Variants in HSPBAP1 observed in about 807,000 individuals in gnomAD.
HSPBAP1 encodes the protein HSPB1-associated protein 1.
Under a neutral mutation model 45.2 loss-of-function variants are expected in HSPBAP1, and 27 were observed. The ratio of observed to expected loss-of-function variants is 0.60; its 90% CI spans 0.44 to 0.82. The LOEUF (loss-of-function observed/expected upper bound fraction) is 0.82, where lower values mean the gene tolerates loss of function less well. Among genes scored for constraint, HSPBAP1 ranks in the 40% least tolerant of loss-of-function variants. The probability of loss-of-function intolerance (pLI) is 0.00; values close to 1 mark genes in which losing one functional copy is unlikely to be tolerated. For missense variants in HSPBAP1, 510 were observed against 590.9 expected (o/e 0.86, Z 1.42); for synonymous variants, 204 against 202.7 (o/e 1.01, Z -0.06).
intron 6 of HSPBAP1, among the ~76,000 whole-genome samples, chr3:122,746,726 C>A (rs1933874161): frequency 6.6e-6 from 1 of 151,976 alleles, no homozygotes; most frequent in Non-Finnish European, 1.5e-5. Context: ...TGTACTGCTG[C>A]CATCTCGGCT....
chr3:122,753,011 G>A lies in HSPBAP1; in HGVS notation c.742-337C>T, dbSNP rs114103609. On this transcript the variant is annotated intron_variant, in intron 5 of 7. Coordinates refer to ENST00000306103, the MANE Select transcript of HSPBAP1 (RefSeq NM_024610.6). ...CACAAAATAGTTGCGTGCATTCTGA[G>A]AAAGGGCATAGGTAAAACACATAGG... 896 of 1,024,906 alleles carry A rather than the reference G, an allele frequency of 8.7e-4. 5 individuals are homozygous for A. In the African/African-American group the frequency reaches 0.014, roughly 16 times the overall value. 63.5% of individuals were successfully genotyped at this position (1,024,906 alleles called of 1,614,324 possible).
chr3:122,758,218 G>C (rs777971210), intron 4 of HSPBAP1, among the ~76,000 whole-genome samples: 1 of 152,164 alleles, frequency 6.6e-6, no homozygotes, highest in African/African-American at 2.4e-5. Context: ...AAAGACTGGG[G>C]CATCATTAAT....
At chr3:122,765,486 CAGG>C (rs1462154112) in intron 3 of HSPBAP1, among the ~76,000 whole-genome samples, 1 of 149,578 alleles carries the variant, frequency 6.7e-6, no homozygotes, top group Non-Finnish European at 1.5e-5. Flanking sequence ...GAGGCTGAGG[CAGG>C]AGAATTGCTT....
chr3:122,767,329 G>C (rs899707822), intron 3 of HSPBAP1, among the ~76,000 whole-genome samples: 2 of 152,098 alleles, frequency 1.3e-5, no homozygotes, highest in South Asian at 2.1e-4. Flanking sequence ...ACTTAAAGTC[G>C]GGAATTTGAG....
chr3:122,748,216 T>G (rs1933987709), intron 6 of HSPBAP1, among the ~76,000 whole-genome samples: 1 of 152,090 alleles, frequency 6.6e-6, no homozygotes, highest in Non-Finnish European at 1.5e-5. Flanking sequence ...CACTCCCTAA[T>G]CTCAAGTACC....
intron 1 of HSPBAP1, among the ~76,000 whole-genome samples, chr3:122,788,970 T>C (rs543157477): frequency 1.3e-5 from 2 of 152,350 alleles, no homozygotes; most frequent in Non-Finnish European, 2.9e-5. Flanking sequence ...ACAAATGGTA[T>C]TGTTTTTCTG....
intron 1 of HSPBAP1, among the ~76,000 whole-genome samples, chr3:122,780,775 G>A (rs1269944446): frequency 1.3e-5 from 2 of 149,996 alleles, no homozygotes; most frequent in African/African-American, 2.5e-5. Flanking sequence ...GCTGCCGGGC[G>A]GAGGGGCTCC....
rs577666609 is a variant in HSPBAP1 at position 122,747,665 on chromosome 3, G to A, written c.825+4926C>T. On this transcript the variant is annotated intron_variant, in intron 6 of 7. Coordinates refer to ENST00000306103, the MANE Select transcript of HSPBAP1 (RefSeq NM_024610.6). ...AGCCCCCCGCCCGGCCAGCCGCCCC[G>A]TCCGGGAGGTGAGGGGCGCCTCTGC... Among the ~76,000 whole-genome samples, 334 of 147,386 alleles carry A rather than the reference G, an allele frequency of 2.3e-3. 3 individuals are homozygous for A. The highest frequency in any genetic ancestry group is 7.6e-3 in the African/African-American group (305 of 40,106).
chr3:122,749,572 A>G (rs1460618699), intron 6 of HSPBAP1, among the ~76,000 whole-genome samples: 1 of 152,184 alleles, frequency 6.6e-6, no homozygotes, highest in African/African-American at 2.4e-5. Flanking sequence ...TATGGTTAGT[A>G]GTAATATTAC....
rs777704726 is a variant in HSPBAP1 at position 122,759,235 on chromosome 3, C to T, written c.558G>A (p.Gln186=). The T allele has an allele frequency of 1.2e-6, 2 of 1,610,990 alleles. No homozygotes were observed. Among genetic ancestry groups the T allele is most frequent in the Admixed American group, 3.3e-5 (2 of 59,756 alleles). Reference sequence around the variant, plus strand: ...CACACACACATTACCTTCCTTGTACCTGGAATACCAAGTTACAACCATAGG... The same window carrying T: ...CACACACACATTACCTTCCTTGTACTTGGAATACCAAGTTACAACCATAGG... ...LDSYGCNLVF[Q]VQGRKRWHLF... Residue 186 remains glutamine (Q), a synonymous_variant, in exon 4 of 8, where the codon CAG becomes CAA. Transcript: ENST00000306103.
intron 2 of HSPBAP1, among the ~76,000 whole-genome samples, chr3:122,777,013 A>G (rs1014128016): frequency 6.6e-6 from 1 of 152,200 alleles, no homozygotes; most frequent in Non-Finnish European, 1.5e-5. Flanking sequence ...CATCAGAAAA[A>G]TGATTATAGA....
intron 1 of HSPBAP1, among the ~76,000 whole-genome samples, chr3:122,780,804 G>A (rs1247021143): frequency 2.3e-3 from 337 of 146,138 alleles, no homozygotes; most frequent in African/African-American, 7.2e-3. Flanking sequence ...CAGACGGGGC[G>A]GTTGCCAGGC....
At chr3:122,771,025 T>G (rs1934975542) in intron 2 of HSPBAP1, among the ~76,000 whole-genome samples, 1 of 152,254 alleles carries the variant, frequency 6.6e-6, no homozygotes, top group Non-Finnish European at 1.5e-5. Flanking sequence ...CAAGCCTGAT[T>G]TGCAGCCCCC....
At chr3:122,772,743 T>A (rs934960682) in intron 2 of HSPBAP1, among the ~76,000 whole-genome samples, 1 of 152,080 alleles carries the variant, frequency 6.6e-6, no homozygotes, top group Non-Finnish European at 1.5e-5. Context: ...AAAATGTTAA[T>A]AAAGCATTAT....
At chr3:122,779,931 TC>T (rs1395897172) in intron 1 of HSPBAP1, among the ~76,000 whole-genome samples, 1 of 151,936 alleles carries the variant, frequency 6.6e-6, no homozygotes, top group Non-Finnish European at 1.5e-5. Context: ...ACGGCAACCA[TC>T]CGATTTCTCA....
intron 6 of HSPBAP1, among the ~76,000 whole-genome samples, chr3:122,741,952 T>C (rs1398034148): frequency 6.6e-6 from 1 of 152,002 alleles, no homozygotes; most frequent in Non-Finnish European, 1.5e-5. Flanking sequence ...TTGGAAAACA[T>C]GGGTGGCATT....
intron 5 of HSPBAP1, chr3:122,754,846 T>G (rs1164400535): frequency 1.0e-6 from 1 of 989,044 alleles, no homozygotes; most frequent in East Asian, 1.1e-4. Flanking sequence ...GGCCCACACC[T>G]GGAGGCATTC....
At chr3:122,785,040 C>G (rs542314580) in intron 1 of HSPBAP1, among the ~76,000 whole-genome samples, 91 of 152,208 alleles carry the variant, frequency 6.0e-4, no homozygotes, top group African/African-American at 2.1e-3. Context: ...CCCCTCAGTC[C>G]AAGTCCAGTG....
At chr3:122,765,411 T>A (rs1265036863) in intron 3 of HSPBAP1, among the ~76,000 whole-genome samples, 1 of 151,720 alleles carries the variant, frequency 6.6e-6, no homozygotes, top group Non-Finnish European at 1.5e-5. Flanking sequence ...TGAAACCCCG[T>A]TTCTACTAAA....
Sources: allele counts gnomAD v4.1 joint callset (sites outside exome capture counted in the v4.1 genomes callset), GRCh38; gene constraint gnomAD v4.1.1; transcripts MANE v1.5; gene names NCBI Gene and HGNC (gene_info 2026-07-23, HGNC 2026-07-21).